Variants in ASAH2 observed in about 807,000 individuals in gnomAD.
ASAH2 encodes N-acylsphingosine amidohydrolase 2, also known as neutral ceramidase.
ASAH2 carries 58 observed loss-of-function variants against 82.9 expected under a neutral mutation model. The ratio of observed to expected loss-of-function variants is 0.70; its 90% CI spans 0.57 to 0.87. The LOEUF (loss-of-function observed/expected upper bound fraction) is 0.87, where lower values mean the gene tolerates loss of function less well. Ranked by LOEUF, ASAH2 falls within the 40% of genes least tolerant of loss-of-function variation. ASAH2 has a pLI of 0.00. For synonymous variants in ASAH2, 276 were observed against 289.7 expected, an observed-to-expected ratio of 0.95 and a Z score of 0.48; for missense variants, 779 against 834.0, an observed-to-expected ratio of 0.93 and a Z score of 0.81.
At chr10:50,203,590 C>T (rs1845218024) in intron 15 of ASAH2, 50 bp downstream of exon 15, 3 of 904,802 alleles carry the variant, frequency 3.3e-6, no homozygotes, top group African/African-American at 3.5e-5. Flanking sequence ...ATATACTTTC[C>T]TCTTCACCAA....
rs1279753958 is a variant in ASAH2 at position 50,234,292 on chromosome 10, G to GTTT, written c.815+130_815+132dup. 4.7e-6 allele frequency: 6 copies of GTTT among 1,289,282 alleles called. No individual in the cohort carries two copies. The African/African-American group carries it at 8.8e-5, about 19-fold the overall frequency. 79.9% of individuals were successfully genotyped at this position (1,289,282 alleles called of 1,614,324 possible). ...TCTGCTTGTTTTAGATTACACAGAT[G>GTTT]TTTTTAAGATATCATAGCTGTAATA... is the stretch of plus-strand genomic sequence containing the variant. On this transcript the variant is annotated intron_variant, in intron 6 of 20. Coordinates refer to ENST00000682911, the MANE Select transcript of ASAH2 (RefSeq NM_019893.4).
chr10:50,198,188 C>A (rs1589321322), intron 17 of ASAH2: 1 of 151,778 alleles, frequency 6.6e-6, no homozygotes, highest in African/African-American at 2.4e-5. Flanking sequence ...ATTAAAAGGG[C>A]TTTATTTTCT....
At position 50,185,414 on chromosome 10, in the gene ASAH2, C is replaced by A. The variant is rs1844720488; in HGVS notation, c.*1901G>T. The A allele has an allele frequency of 9.0e-6, 1 of 111,140 alleles. No individual in the cohort carries two copies. Among genetic ancestry groups the A allele is most frequent in the Non-Finnish European group, 1.9e-5 (1 of 52,478 alleles). The allele number at this position is 111,140 out of a possible 1,614,324, so 6.9% of individuals were successfully genotyped here. A position where few individuals can be genotyped will look rare whatever the true frequency, so the allele number is the denominator to read the frequency against. On this transcript the variant is annotated 3_prime_UTR_variant, in exon 21 of 21. Coordinates refer to ENST00000682911, the MANE Select transcript of ASAH2 (RefSeq NM_019893.4). ...TAGGATCAGTAGATGATACAGTGGC[C>A]ACCTTGGTACAGTTGCCAGTGAGCT... is the stretch of plus-strand genomic sequence containing the variant.
rs980170331 is a variant in ASAH2, at chr10:50,184,938, A to G, written c.*2377T>C. 1.3e-5 allele frequency: 2 copies of G among 151,650 alleles called. No homozygotes were observed. Among genetic ancestry groups the G allele is most frequent in the Admixed American group, 1.3e-4 (2 of 15,190 alleles). The allele number at this position is 151,650 out of a possible 1,614,324, so 9.4% of individuals were successfully genotyped here. On this transcript the variant is annotated 3_prime_UTR_variant, in exon 21 of 21. Transcript: ENST00000682911. Reference sequence around the variant, plus strand: ...AATTTTACACAGTACTCATCAAAAAATCTAGACCTGGAAAAGAGATTATTC... The same window carrying G: ...AATTTTACACAGTACTCATCAAAAAGTCTAGACCTGGAAAAGAGATTATTC...
At chr10:50,216,131 G>T (rs1845592509) in intron 8 of ASAH2, among the ~76,000 whole-genome samples, 1 of 149,800 alleles carries the variant, frequency 6.7e-6, no homozygotes, top group Non-Finnish European at 1.5e-5. Flanking sequence ...CACAGGGAGG[G>T]GAACATCACA....
At chr10:50,247,247 G>T (rs967066854) in intron 2 of ASAH2, among the ~76,000 whole-genome samples, 8 of 151,802 alleles carry the variant, frequency 5.3e-5, no homozygotes, top group African/African-American at 1.9e-4. Context: ...CTGACCCCTG[G>T]GTTCAAGCGA....
At chr10:50,205,000 T>G in intron 13 of ASAH2, 45 bp from the exon 14 acceptor site, 4 of 1,364,096 alleles carry the variant, frequency 2.9e-6, no homozygotes, top group Non-Finnish European at 4.1e-6. Flanking sequence ...TAACACTCTC[T>G]CTATGGTCAA....
chr10:50,199,109 G>C lies in ASAH2; in HGVS notation c.1799C>G (p.Pro600Arg). ...RYEAASTIYG[P>R]HTLSAYIQLF... is the part of the protein sequence containing the mutation. ...CTGAATGTAAGCAGATAATGTGTGC[G>C]GTCCATAAATTGTCGATGCTGCCTC... Residue 600 changes from proline to arginine, a missense_variant, in exon 17 of 21, where the codon CCG becomes CGG. Around this residue, in one of 3 missense-constraint regions of ASAH2, gnomAD observed 759 missense variants for 755.2 expected, o/e 1.00. Transcript: ENST00000682911. The C allele has an allele frequency of 1.2e-6, 2 of 1,613,292 alleles. No individual in the cohort carries two copies. The highest frequency in any genetic ancestry group is 2.2e-5 in the South Asian group (2 of 91,068).
chr10:50,211,284 C>T (rs1220411610), intron 10 of ASAH2, 150 bp from the exon 11 acceptor site: 2 of 681,562 alleles, frequency 2.9e-6, no homozygotes, highest in Non-Finnish European at 5.3e-6. Flanking sequence ...GGCCACCAAC[C>T]ACATGGGTCT....
intron 12 of ASAH2, among the ~76,000 whole-genome samples, chr10:50,209,374 A>T (rs1230807211): frequency 6.6e-6 from 1 of 151,742 alleles, no homozygotes; most frequent in Non-Finnish European, 1.5e-5. Flanking sequence ...TTTTTGAGAC[A>T]GAGTCTCACT....
At chr10:50,237,390 A>C (rs373520628) in intron 4 of ASAH2, among the ~76,000 whole-genome samples, 121,098 of 152,188 alleles carry the variant, frequency 0.8, 48,515 homozygotes, top group Non-Finnish European at 0.85. Context: ...AGCCATCAGA[A>C]AACTGCGGCC....
chr10:50,217,532 G>T (rs2842114), intron 8 of ASAH2, among the ~76,000 whole-genome samples: 116,175 of 151,974 alleles, frequency 0.76, 46,282 homozygotes, highest in Non-Finnish European at 0.88. Context: ...CGGCCTCCTC[G>T]TCTGTTTTCT....
intron 12 of ASAH2, among the ~76,000 whole-genome samples, chr10:50,210,282 C>G (rs1845416671): frequency 1.3e-5 from 2 of 152,196 alleles, no homozygotes; most frequent in South Asian, 2.1e-4. Context: ...GGGCGGATCA[C>G]TTGAGGTCAG....
intron 2 of ASAH2, among the ~76,000 whole-genome samples, chr10:50,247,384 C>A (rs906239299): frequency 1.3e-5 from 2 of 151,620 alleles, no homozygotes; most frequent in Non-Finnish European, 2.9e-5. Context: ...AGGCTGGTCT[C>A]AAACTCTTGA....
At chr10:50,234,757 T>C (rs1347699081) in intron 5 of ASAH2, among the ~76,000 whole-genome samples, 2 of 152,000 alleles carry the variant, frequency 1.3e-5, no homozygotes, top group Non-Finnish European at 2.9e-5. Context: ...ATAAGGGAAA[T>C]GCCGTGTTAT....
chr10:50,199,013 C>T (rs1413973713), intron 17 of ASAH2, 38 bp downstream of exon 17: 226 of 1,589,046 alleles, frequency 1.4e-4, no homozygotes, highest in African/African-American at 1.4e-3. Flanking sequence ...CACACACACA[C>T]GCACGCGCGC....
chr10:50,187,266 T>C lies in ASAH2; in HGVS notation c.*49A>G, dbSNP rs574856071. ...TCACATTCATTTGAAATCACTTATA[T>C]AATGTGTAGAGAGTAAAGCTGTTCT... is the stretch of plus-strand genomic sequence containing the variant. On this transcript the variant is annotated 3_prime_UTR_variant, in exon 21 of 21. Coordinates refer to ENST00000682911, the MANE Select transcript of ASAH2 (RefSeq NM_019893.4). The C allele has an allele frequency of 0.028, 1,973 of 70,304 alleles. 62 individuals are homozygous for C. Among genetic ancestry groups the C allele is most frequent in the African/African-American group, 0.11 (1,779 of 16,806 alleles). 4.4% of individuals were successfully genotyped at this position (70,304 alleles called of 1,614,324 possible).
chr10:50,213,374 A>G (rs1392764335), intron 9 of ASAH2, among the ~76,000 whole-genome samples: 3 of 152,136 alleles, frequency 2.0e-5, no homozygotes, highest in Admixed American at 6.6e-5. Flanking sequence ...CTTTCTATTG[A>G]CTGCACATCT....
chr10:50,209,205 A>G (rs1267922339), intron 12 of ASAH2, among the ~76,000 whole-genome samples: 4 of 152,174 alleles, frequency 2.6e-5, no homozygotes. Flanking sequence ...ATAGGGGGAA[A>G]TCTTCATGAC....
Sources: gnomAD v4.1 joint callset for allele counts (sites outside exome capture counted in the v4.1 genomes callset) on GRCh38, gnomAD v4.1.1 for gene constraint, gnomAD v4.1.1 regional missense constraint, MANE v1.5 for transcripts, NCBI Gene and HGNC (gene_info 2026-07-23, HGNC 2026-07-21) for gene names.